The following CAMK1D variants were observed in gnomAD, a reference collection of about 807,000 sequenced individuals.
CAMK1D encodes the protein calcium/calmodulin-dependent protein kinase type 1D.
In CAMK1D, 9 loss-of-function variants were observed where a neutral mutation model predicts 47.7. That is an observed-to-expected ratio of 0.19 (90% CI 0.11 to 0.33). The LOEUF is 0.33. Ranked by LOEUF, CAMK1D falls within the 10% of genes least tolerant of loss-of-function variation. The pLI is 1.00. For synonymous variants in CAMK1D, 184 were observed against 184.9 expected, an observed-to-expected ratio of 0.99 and a Z score of 0.04; for missense variants, 291 against 488.7, an observed-to-expected ratio of 0.60 and a Z score of 3.81.
At chr10:12,727,848 C>T (rs1834721827) in intron 3 of CAMK1D, among the ~76,000 whole-genome samples, 1 of 151,908 alleles carries the variant, frequency 6.6e-6, no homozygotes, top group Non-Finnish European at 1.5e-5. Context: ...TTGCTGCAAC[C>T]TCTGCCTCCT....
At chr10:12,607,562 C>T (rs565588355) in intron 2 of CAMK1D, among the ~76,000 whole-genome samples, 5 of 152,346 alleles carry the variant, frequency 3.3e-5, no homozygotes, top group South Asian at 2.1e-4. Context: ...GGAGTTCCTG[C>T]ACCCTTTAAT....
intron 1 of CAMK1D, among the ~76,000 whole-genome samples, chr10:12,382,040 C>G (rs981265642): frequency 1.3e-5 from 2 of 152,120 alleles, no homozygotes; most frequent in South Asian, 2.1e-4. Context: ...AATGACGTAA[C>G]AAAACCACAA....
In CAMK1D at chr10:12,835,131, C is replaced by T. The variant is rs1040045378; in HGVS notation, c.*6244C>T. ...CAGGTGAGAAGACCTCAAAGGTACCCTCTGTCCAGAATAAACATTGGAACA... is the reference window on the plus strand; with the variant it reads ...CAGGTGAGAAGACCTCAAAGGTACCTTCTGTCCAGAATAAACATTGGAACA... On this transcript the variant is annotated 3_prime_UTR_variant, in exon 11 of 11. Coordinates refer to ENST00000619168, the MANE Select transcript of CAMK1D (RefSeq NM_153498.4). 4 of 152,206 alleles carry T rather than the reference C, an allele frequency of 2.6e-5. No homozygotes were observed. Among genetic ancestry groups the T allele is most frequent in the Non-Finnish European group, 5.9e-5 (4 of 68,036 alleles). 9.4% of individuals were successfully genotyped at this position (152,206 alleles called of 1,614,324 possible). A position where few individuals can be genotyped will look rare whatever the true frequency, so the allele number is the denominator to read the frequency against.
At chr10:12,655,724 A>T (rs2132523010) in intron 2 of CAMK1D, among the ~76,000 whole-genome samples, 1 of 152,334 alleles carries the variant, frequency 6.6e-6, no homozygotes, top group South Asian at 2.1e-4. Context: ...GAGCCATTCT[A>T]GACAAGAGCA....
chr10:12,769,922 C>T (rs1836963973), intron 5 of CAMK1D, 123 bp downstream of exon 5: 2 of 1,017,088 alleles, frequency 2.0e-6, no homozygotes, highest in Non-Finnish European at 2.9e-6. Flanking sequence ...TCACAGCTGC[C>T]TTCACTTCCC....
intron 3 of CAMK1D, among the ~76,000 whole-genome samples, chr10:12,719,855 A>G (rs1214311891): frequency 1.3e-5 from 2 of 152,240 alleles, no homozygotes; most frequent in African/African-American, 2.4e-5. Context: ...CCCAGCCTTT[A>G]GATTCCAGTC....
intron 2 of CAMK1D, among the ~76,000 whole-genome samples, chr10:12,572,205 A>G (rs1837350208): frequency 6.6e-6 from 1 of 152,004 alleles, no homozygotes; most frequent in Non-Finnish European, 1.5e-5. Context: ...TGTAATCCCC[A>G]TGTGTCAAGG....
At chr10:12,438,041 G>C (rs1294119548) in intron 1 of CAMK1D, among the ~76,000 whole-genome samples, 12 of 152,218 alleles carry the variant, frequency 7.9e-5, no homozygotes, top group Non-Finnish European at 1.6e-4. Context: ...AAACCACTTT[G>C]CTTGCATAAA....
intron 2 of CAMK1D, among the ~76,000 whole-genome samples, chr10:12,559,623 C>T (rs777832723): frequency 6.6e-6 from 1 of 152,140 alleles, no homozygotes; most frequent in Non-Finnish European, 1.5e-5. Flanking sequence ...CAGATGTGCT[C>T]CCTTGGAAGA....
chr10:12,758,081 C>G (rs1288658195), intron 3 of CAMK1D, among the ~76,000 whole-genome samples: 1 of 152,034 alleles, frequency 6.6e-6, no homozygotes, highest in Admixed American at 6.5e-5. Context: ...GAGCTCCTGA[C>G]CTCAGGTGAT....
At chr10:12,777,591 C>G (rs1282436945) in intron 5 of CAMK1D, among the ~76,000 whole-genome samples, 2 of 151,976 alleles carry the variant, frequency 1.3e-5, no homozygotes, top group African/African-American at 2.4e-5. Flanking sequence ...TCAGGCTGGT[C>G]TCGAACTCCC....
intron 1 of CAMK1D, among the ~76,000 whole-genome samples, chr10:12,520,182 T>C: frequency 1.4e-5 from 1 of 71,228 alleles, no homozygotes; most frequent in Non-Finnish European, 2.9e-5. Flanking sequence ...GACGGGGCGG[T>C]TGCCAGGCAG....
At chr10:12,453,355 A>G (rs1481725893) in intron 1 of CAMK1D, among the ~76,000 whole-genome samples, 1 of 151,724 alleles carries the variant, frequency 6.6e-6, no homozygotes, top group Non-Finnish European at 1.5e-5. Flanking sequence ...ACGCCCGGCT[A>G]ATTGTTGTAT....
chr10:12,605,337 A>AGTGT (rs112178502), intron 2 of CAMK1D, among the ~76,000 whole-genome samples: 46,403 of 144,944 alleles, frequency 0.32, 7,801 homozygotes, highest in South Asian at 0.41. Context: ...AAACCATTCA[A>AGTGT]GTGTGTGTGT....
At chr10:12,531,113 G>T (rs1024635958) in intron 1 of CAMK1D, among the ~76,000 whole-genome samples, 3 of 151,762 alleles carry the variant, frequency 2.0e-5, no homozygotes, top group Admixed American at 2.0e-4. Context: ...TTGAACACAG[G>T]CTTCAAGGAC....
At chr10:12,403,093 T>G (rs368195310) in intron 1 of CAMK1D, among the ~76,000 whole-genome samples, 48 of 152,312 alleles carry the variant, frequency 3.2e-4, no homozygotes, top group African/African-American at 1.1e-3. Flanking sequence ...TTGATCTGTT[T>G]GTTAGCAGAA....
intron 2 of CAMK1D, among the ~76,000 whole-genome samples, chr10:12,659,179 G>A (rs1840202800): frequency 6.6e-6 from 1 of 152,236 alleles, no homozygotes. Flanking sequence ...AGTGGGATAA[G>A]GGAACTTTTC....
intron 3 of CAMK1D, among the ~76,000 whole-genome samples, chr10:12,721,621 T>C (rs544238248): frequency 5.9e-5 from 9 of 152,222 alleles, no homozygotes; most frequent in African/African-American, 1.7e-4. Context: ...AATATAGTAG[T>C]GAACAAAATA....
intron 1 of CAMK1D, among the ~76,000 whole-genome samples, chr10:12,384,933 A>G (rs11257757): frequency 0.16 from 23,997 of 152,196 alleles, 2,279 homozygotes; most frequent in East Asian, 0.33. Context: ...TAACTCAATA[A>G]TTGATAACCC....
Sources: allele counts gnomAD v4.1 joint callset (sites outside exome capture counted in the v4.1 genomes callset), GRCh38; gene constraint gnomAD v4.1.1; transcripts MANE v1.5; gene names NCBI Gene and HGNC (gene_info 2026-07-23, HGNC 2026-07-21).